Variants in ADAMTSL3 observed in about 807,000 individuals in gnomAD.
The protein encoded by ADAMTSL3 is ADAMTS like 3.
ADAMTSL3 carries 128 observed loss-of-function variants against 201.7 expected under a neutral mutation model. That is an observed-to-expected ratio of 0.63 (90% CI 0.55 to 0.73). The LOEUF (loss-of-function observed/expected upper bound fraction) is 0.73, where lower values mean the gene tolerates loss of function less well. Among genes scored for constraint, ADAMTSL3 ranks in the 30% least tolerant of loss-of-function variants. The pLI, the probability that ADAMTSL3 is intolerant of heterozygous loss-of-function variation, is 0.00. For missense variants in ADAMTSL3, 1,990 were observed against 2,119.6 expected (o/e 0.94, Z 1.20); for synonymous variants, 738 against 748.4 (o/e 0.99, Z 0.23).
chr15:83,709,501 A>T (rs2061903116), intron 3 of ADAMTSL3, among the ~76,000 whole-genome samples: 1 of 152,096 alleles, frequency 6.6e-6, no homozygotes, highest in African/African-American at 2.4e-5. Context: ...AAACAGCTGG[A>T]TATTGGTCAC....
chr15:83,675,624 G>A (rs1349265381), intron 2 of ADAMTSL3, among the ~76,000 whole-genome samples: 2 of 140,636 alleles, frequency 1.4e-5, no homozygotes, highest in South Asian at 2.3e-4. Context: ...TCTGGTTTTA[G>A]TACTATCTTC....
intron 8 of ADAMTSL3, chr15:83,862,379 G>C (rs55876638): frequency 6.6e-6 from 1 of 152,072 alleles, no homozygotes; most frequent in Non-Finnish European, 1.5e-5. Flanking sequence ...GAAAGGTCGG[G>C]TTACCCACAA....
chr15:83,846,966 G>T (rs2064510738), intron 7 of ADAMTSL3, among the ~76,000 whole-genome samples: 1 of 152,206 alleles, frequency 6.6e-6, no homozygotes, highest in Non-Finnish European at 1.5e-5. Flanking sequence ...AATAAGCACA[G>T]AGGCATACAT....
intron 9 of ADAMTSL3, among the ~76,000 whole-genome samples, chr15:83,881,881 C>T (rs931224907): frequency 1.3e-5 from 2 of 150,432 alleles, no homozygotes; most frequent in African/African-American, 2.4e-5. Context: ...AGGCCGGGCG[C>T]GATGGCTCAC....
chr15:83,960,062 T>C (rs1023489770), intron 19 of ADAMTSL3, among the ~76,000 whole-genome samples: 5 of 152,196 alleles, frequency 3.3e-5, no homozygotes, highest in African/African-American at 1.2e-4. Context: ...AACTCCTAGA[T>C]GATGTTTTGA....
intron 7 of ADAMTSL3, among the ~76,000 whole-genome samples, chr15:83,845,341 C>T (rs1002622242): frequency 6.6e-6 from 1 of 152,214 alleles, no homozygotes; most frequent in African/African-American, 2.4e-5. Context: ...CAGTACTGAA[C>T]ACATCCTAGG....
intron 5 of ADAMTSL3, among the ~76,000 whole-genome samples, chr15:83,809,899 ATCAG>A (rs1293636154): frequency 7.9e-5 from 12 of 152,104 alleles, no homozygotes; most frequent in Middle Eastern, 3.4e-3. Context: ...AGTGTGAGAC[ATCAG>A]TCCTGGGTAA....
chr15:83,852,620 C>G (rs1369299241), intron 7 of ADAMTSL3, among the ~76,000 whole-genome samples: 1 of 152,046 alleles, frequency 6.6e-6, no homozygotes, highest in East Asian at 1.9e-4. Flanking sequence ...TTTCTGTGAA[C>G]TAGTTTTTCA....
intron 8 of ADAMTSL3, among the ~76,000 whole-genome samples, chr15:83,868,973 C>T (rs146483047): frequency 6.6e-6 from 1 of 152,278 alleles, no homozygotes; most frequent in Non-Finnish European, 1.5e-5. Flanking sequence ...ACACCCCTTG[C>T]CCCAATTCTG....
At chr15:83,941,036 G>A (rs1293085551) in intron 17 of ADAMTSL3, among the ~76,000 whole-genome samples, 1 of 151,852 alleles carries the variant, frequency 6.6e-6, no homozygotes, top group Non-Finnish European at 1.5e-5. Flanking sequence ...TTGTTAATAT[G>A]CCAAGGGTTT....
At chr15:83,888,020 C>T (rs74024594) in intron 10 of ADAMTSL3, among the ~76,000 whole-genome samples, 1,578 of 152,336 alleles carry the variant, frequency 0.01, 34 homozygotes, top group African/African-American at 0.036. Context: ...TAGTGGGATT[C>T]AGCTTAGTCC....
At chr15:84,006,881 T>C (rs987191687) in intron 23 of ADAMTSL3, among the ~76,000 whole-genome samples, 2 of 152,062 alleles carry the variant, frequency 1.3e-5, no homozygotes, top group Non-Finnish European at 2.9e-5. Context: ...GGAGTTGGAG[T>C]TCACTATGGG....
At chr15:84,005,162 C>T (rs2067871734) in intron 23 of ADAMTSL3, among the ~76,000 whole-genome samples, 1 of 152,156 alleles carries the variant, frequency 6.6e-6, no homozygotes, top group African/African-American at 2.4e-5. Flanking sequence ...GAGATGTCAC[C>T]CCAAGACACC....
At chr15:83,871,887 A>T (rs1430854254) in intron 9 of ADAMTSL3, among the ~76,000 whole-genome samples, 1 of 152,222 alleles carries the variant, frequency 6.6e-6, no homozygotes, top group Non-Finnish European at 1.5e-5. Flanking sequence ...ATTACCAGTT[A>T]TATTTTTCTG....
At chr15:83,943,227 C>T (rs2066596892) in intron 19 of ADAMTSL3, 145 bp downstream of exon 19, 2 of 933,106 alleles carry the variant, frequency 2.1e-6, no homozygotes, top group East Asian at 2.7e-5. Context: ...TGCTCACTCA[C>T]TCTCGGGTTT....
chr15:83,729,604 TA>T (rs1304749066), intron 3 of ADAMTSL3, among the ~76,000 whole-genome samples: 3 of 151,974 alleles, frequency 2.0e-5, no homozygotes, highest in African/African-American at 7.2e-5. Context: ...TTGATTATTT[TA>T]AAATATGTCA....
At chr15:83,978,896 C>T (rs1296648598) in intron 20 of ADAMTSL3, among the ~76,000 whole-genome samples, 6 of 152,242 alleles carry the variant, frequency 3.9e-5, no homozygotes, top group Non-Finnish European at 7.3e-5. Flanking sequence ...ACCATTTGGG[C>T]AGGCTCTTCA....
At chr15:83,868,315 A>G (rs1203184676) in intron 8 of ADAMTSL3, among the ~76,000 whole-genome samples, 1 of 152,232 alleles carries the variant, frequency 6.6e-6, no homozygotes, top group East Asian at 1.9e-4. Context: ...ATTAATAAAA[A>G]CTTAAAGGTA....
chr15:83,942,333 G>A (rs917370154), intron 17 of ADAMTSL3, among the ~76,000 whole-genome samples: 6 of 152,202 alleles, frequency 3.9e-5, no homozygotes, highest in Non-Finnish European at 7.3e-5. Context: ...GGTAGGACAG[G>A]ATGGGAACAG....
Sources: gnomAD v4.1 joint callset for allele counts (sites outside exome capture counted in the v4.1 genomes callset) on GRCh38, gnomAD v4.1.1 for gene constraint, MANE v1.5 for transcripts, NCBI Gene and HGNC (gene_info 2026-07-23, HGNC 2026-07-21) for gene names.